Variants in LILRB5 observed in about 807,000 individuals in gnomAD.
LILRB5 encodes the protein leukocyte immunoglobulin-like receptor subfamily B member 5.
Under a neutral mutation model 68.4 loss-of-function variants are expected in LILRB5, and 61 were observed. The observed-to-expected ratio is 0.89, with a 90% CI of 0.73 to 1.10. The LOEUF is 1.10. LILRB5 is among the 50% of genes least tolerant of loss of function. The pLI is 0.00. For missense variants in LILRB5, 771 were observed against 751.6 expected, an observed-to-expected ratio of 1.03 and a Z score of -0.30; for synonymous variants, 356 against 315.8, an observed-to-expected ratio of 1.13 and a Z score of -1.35.
chr19:54,255,918 C>T, intron 4 of LILRB5, 125 bp downstream of exon 4: 2 of 828,654 alleles, frequency 2.4e-6, no homozygotes, highest in Non-Finnish European at 3.7e-6. Context: ...GGGTCTTCCT[C>T]ACGCCTTCAG....
chr19:54,255,544 A>T lies in LILRB5; in HGVS notation c.694T>A (p.Ser232Thr), dbSNP rs2079109626. The T allele has an allele frequency of 6.2e-7, 1 of 1,613,866 alleles. No homozygotes were observed. The highest frequency in any genetic ancestry group is 2.2e-5 in the East Asian group (1 of 44,860). Residue 232 changes from serine to threonine, a missense_variant, in exon 5 of 13, where the codon TCT (serine) becomes ACT (threonine). Physicochemically the swap from Ser to Thr is moderately conservative, Grantham distance 58. Coordinates refer to ENST00000449561, the MANE Select transcript of LILRB5 (RefSeq NM_001081442.3). ...RKPSLLIPQG[S>T]VVARGGSLTL... is the part of the protein sequence containing the mutation. Reference sequence around the variant, plus strand: ...AGGCTGCCTCCGCGGGCCACGACAGAGCCCTGCGGGATCAGGAGGGAGGGC... The same window carrying T: ...AGGCTGCCTCCGCGGGCCACGACAGTGCCCTGCGGGATCAGGAGGGAGGGC...
intron 3 of LILRB5, 67 bp downstream of exon 3, chr19:54,256,422 G>C: frequency 6.3e-7 from 1 of 1,595,920 alleles, no homozygotes; most frequent in Non-Finnish European, 8.5e-7. Context: ...AGAGGTAGAC[G>C]TCCCTAAGAG....
intron 1 of LILRB5, 62 bp downstream of exon 1, chr19:54,257,098 C>T: frequency 6.2e-7 from 1 of 1,613,840 alleles, no homozygotes; most frequent in Non-Finnish European, 8.5e-7. Flanking sequence ...TAGACCAGAG[C>T]CTCGCTTTAG....
rs747748769 is a variant in LILRB5 at position 54,256,123 on chromosome 19, C to T, written c.575G>A (p.Arg192Lys). 1 of 1,608,730 alleles carries T rather than the reference C, an allele frequency of 6.2e-7. No homozygotes were observed. The highest frequency in any genetic ancestry group is 8.5e-7 in the Non-Finnish European group (1 of 1,177,730). Reference sequence around the variant, plus strand: ...CCTGTAATAGTAATAGCATCTGAACCTCCACCTGCAGCTGGGGGTCACGGG... The same window carrying T: ...CCTGTAATAGTAATAGCATCTGAACTTCCACCTGCAGCTGGGGGTCACGGG... Reference protein sequence around the residue: ...VGPVTPSCRWRFRCYYYYRKN... With the variant: ...VGPVTPSCRWKFRCYYYYRKN... The change falls in exon 4 of 13, where the codon AGG (arginine) becomes AAG (lysine). Residue 192 changes from arginine to lysine, a missense_variant. Coordinates refer to ENST00000449561, the MANE Select transcript of LILRB5 (RefSeq NM_001081442.3).
rs1294071662 is a variant in LILRB5, at chr19:54,256,261, G to T, written c.437C>A (p.Thr146Lys). 6.2e-7 allele frequency: 1 copy of T among 1,613,830 alleles called. No homozygotes were observed. Among genetic ancestry groups the T allele is most frequent in the East Asian group, 2.2e-5 (1 of 44,874 alleles). Reference protein sequence around the residue: ...SGGNVTLQCDTLDGLLTFVLV... With the variant: ...SGGNVTLQCDKLDGLLTFVLV... ...AACAAACGTGAGAAGTCCGTCCAGT[G>T]TATCACACTGGAGGGTCACATTTCC... is the stretch of plus-strand genomic sequence containing the variant. The change falls in exon 4 of 13, where the codon ACA (threonine) becomes AAA (lysine). Residue 146 changes from threonine to lysine, a missense_variant. Physicochemically the swap from Thr to Lys is moderately conservative, Grantham distance 78. Coordinates refer to ENST00000449561, the MANE Select transcript of LILRB5 (RefSeq NM_001081442.3).
intron 8 of LILRB5, chr19:54,253,728 C>A: frequency 9.0e-7 from 1 of 1,107,500 alleles, no homozygotes; most frequent in Non-Finnish European, 1.3e-6. Context: ...TTGTTCTCTG[C>A]ACCTGAGCGG....
At position 54,254,642 on chromosome 19, in the gene LILRB5, C is replaced by T. The variant is rs541883631; in HGVS notation, c.1255+93G>A. On this transcript the variant is annotated intron_variant, in intron 6 of 12. Transcript: ENST00000449561. Reference sequence around the variant, plus strand: ...TGAGCCCCCCTCAAACCCTCCCCCCCGCACCGCGACTCCATCCCAGCCCAG... The same window carrying T: ...TGAGCCCCCCTCAAACCCTCCCCCCTGCACCGCGACTCCATCCCAGCCCAG... 6.7e-5 allele frequency: 101 copies of T among 1,504,164 alleles called. No individual in the cohort carries two copies. In the Admixed American group the frequency reaches 8.3e-4, roughly 12 times the overall value. The allele number at this position is 1,504,164 out of a possible 1,614,324, so 93.2% of individuals were successfully genotyped here. A position where few individuals can be genotyped will look rare whatever the true frequency, so the allele number is the denominator to read the frequency against.
At position 54,254,745 on chromosome 19, in the gene LILRB5, G is replaced by A. The variant is rs146055681; in HGVS notation, c.1245C>T (p.Leu415=). The change falls in exon 6 of 13, where the codon CTC becomes CTT. Residue 415 remains leucine, a synonymous_variant. Transcript: ENST00000449561. The part of the protein sequence containing the change: ...LLSSPSYPQE[L]VVSGPSGDPS... ...GGTCAGGGCCCTCACCTGAGACCACGAGCTCCTGGGGGTAACTAGGGCTGG... is the reference window on the plus strand; with the variant it reads ...GGTCAGGGCCCTCACCTGAGACCACAAGCTCCTGGGGGTAACTAGGGCTGG... 32 of 1,613,902 alleles carry A rather than the reference G, an allele frequency of 2.0e-5. No individual in the cohort carries two copies. The African/African-American group carries it at 2.3e-4, about 11-fold the overall frequency.
rs370853091 is a variant in LILRB5 at position 54,250,781 on chromosome 19, G to C, written c.*5C>G. ...GTTGAGTATGAGATCTGGGTCCCCC[G>C]TGGGCTAGTGGATGGCCAGGGGGGC... On this transcript the variant is annotated 3_prime_UTR_variant, in exon 13 of 13. Coordinates refer to ENST00000449561, the MANE Select transcript of LILRB5 (RefSeq NM_001081442.3). 2.5e-6 allele frequency: 4 copies of C among 1,614,032 alleles called. No homozygotes were observed. Among genetic ancestry groups the C allele is most frequent in the East Asian group, 2.2e-5 (1 of 44,856 alleles).
intron 12 of LILRB5, chr19:54,251,189 G>A (rs1308415188): frequency 1.9e-6 from 3 of 1,575,224 alleles, no homozygotes; most frequent in Admixed American, 1.7e-5. Context: ...GACAGTGGTG[G>A]GGGGTGTCCT....
chr19:54,254,446 G>A (rs367625908), intron 6 of LILRB5, 31 bp from the exon 7 acceptor site: 30 of 1,558,282 alleles, frequency 1.9e-5, no homozygotes, highest in Admixed American at 1.8e-4. Flanking sequence ...GGAGCGAGGC[G>A]CTTTGGTGCT....
rs2079178042 is a variant in LILRB5 at position 54,257,190 on chromosome 19, T to C, written c.4A>G (p.Thr2Ala). ...CAAATCAGGACTGAGAGGGTGAGGG[T>C]CATGGCGTCAGCTCCCACTGGACTC... The part of the protein sequence containing the change: M[T>A]LTLSVLICLG... The change falls in exon 1 of 13, where the codon ACC becomes GCC. Residue 2 changes from threonine (T) to alanine (A), a missense_variant. Thr to Ala is a moderately conservative substitution (Grantham distance 58). Transcript: ENST00000449561. The C allele has an allele frequency of 4.3e-6, 7 of 1,613,794 alleles. No homozygotes were observed. The East Asian group carries it at 1.6e-4, about 36-fold the overall frequency.
At chr19:54,257,122 CAA>C (rs758111511) in intron 1 of LILRB5, 36 bp downstream of exon 1, 2 of 1,614,000 alleles carry the variant, frequency 1.2e-6, no homozygotes, top group Admixed American at 1.7e-5. Flanking sequence ...GAGCTCCCTC[CAA>C]GACGGGGACC....
Position 54,252,908 on chromosome 19 carries a change from G to C in LILRB5, c.1437C>G (p.Leu479=), listed in dbSNP as rs1297000750. 1 of 1,595,380 alleles carries C rather than the reference G, an allele frequency of 6.3e-7. No individual in the cohort carries two copies. Among genetic ancestry groups the C allele is most frequent in the East Asian group, 2.3e-5 (1 of 43,032 alleles). Residue 479 remains leucine (L), a synonymous_variant, in exon 9 of 13, where the codon CTC becomes CTG. Coordinates refer to ENST00000449561, the MANE Select transcript of LILRB5 (RefSeq NM_001081442.3). ...VLLLFLLLFL[L]LRHRHQSKHR... ...GTTTGCTCTGATGCCGATGTCGGAG[G>C]AGGAGGAAGAGGAGGAGGAACAGCA...
In LILRB5 at chr19:54,256,539, G is replaced by A. The variant is rs962498309; in HGVS notation, c.305C>T (p.Thr102Ile). The A allele has an allele frequency of 2.5e-6, 4 of 1,614,144 alleles. No homozygotes were observed. The highest frequency in any genetic ancestry group is 2.2e-5 in the East Asian group (1 of 44,888). The change falls in exon 3 of 13, where the codon ACC becomes ATC. Residue 102 changes from threonine to isoleucine, a missense_variant. Coordinates refer to ENST00000449561, the MANE Select transcript of LILRB5 (RefSeq NM_001081442.3). ...SAGRYRCYYE[T>I]PAGWSEPSDP... ...ACTGGGCTCTGACCAGCCTGCAGGGGTCTCATAGTAGCAGCGGTATCGCCC... is the reference window on the plus strand; with the variant it reads ...ACTGGGCTCTGACCAGCCTGCAGGGATCTCATAGTAGCAGCGGTATCGCCC...
intron 8 of LILRB5, 24 bp from the exon 9 acceptor site, chr19:54,253,011 T>A: frequency 6.7e-7 from 1 of 1,487,736 alleles, no homozygotes; most frequent in Non-Finnish European, 9.1e-7. Flanking sequence ...ACGTTGGGAA[T>A]GGGGATGACG....
At position 54,256,593 on chromosome 19, in the gene LILRB5, T is replaced by C; in HGVS notation, c.251A>G (p.His84Arg). ...ACTGTCATACACCGTGGATGGAATG[T>C]GGAACTTGGCCTTGGCTCCAGGCTC... ...PLEPGAKAKF[H>R]IPSTVYDSAG... Residue 84 changes from histidine to arginine, a missense_variant, in exon 3 of 13, where the codon CAC (histidine) becomes CGC (arginine). His to Arg is a conservative substitution (Grantham distance 29). Transcript: ENST00000449561. The C allele has an allele frequency of 6.2e-7, 1 of 1,614,180 alleles. No individual in the cohort carries two copies. Among genetic ancestry groups the C allele is most frequent in the Non-Finnish European group, 8.5e-7 (1 of 1,179,998 alleles).
chr19:54,257,143 C>G lies in LILRB5; in HGVS notation c.34+17G>C. The stretch of plus-strand genomic sequence containing the variant: ...CCTCCAAGACGGGGACCTTCCTTCC[C>G]CCTCTTCAAACCTCACCGAGGCAAA... On this transcript the variant is annotated intron_variant, in intron 1 of 12. Transcript: ENST00000449561. 2 of 1,614,194 alleles carry G rather than the reference C, an allele frequency of 1.2e-6. No individual in the cohort carries two copies. The highest frequency in any genetic ancestry group is 2.2e-5 in the South Asian group (2 of 91,086).
rs990381922 is a variant in LILRB5, at chr19:54,254,920, T to C, written c.1070A>G (p.Lys357Arg). ...CAGCGGGGGATGGGCTGCCCCCTCC[T>C]TGGTCAAAAAGAAAGTGTCTATCTG... ...WHQIDTFFLTKEGAAHPPLCL... is the reference protein window; with the variant it reads ...WHQIDTFFLTREGAAHPPLCL... Residue 357 changes from lysine to arginine, a missense_variant, in exon 6 of 13, where the codon AAG becomes AGG. Physicochemically the swap from Lys to Arg is conservative, Grantham distance 26. Coordinates refer to ENST00000449561, the MANE Select transcript of LILRB5 (RefSeq NM_001081442.3). The C allele has an allele frequency of 6.2e-7, 1 of 1,613,896 alleles. No individual in the cohort carries two copies. Among genetic ancestry groups the C allele is most frequent in the Non-Finnish European group, 8.5e-7 (1 of 1,179,956 alleles).
Sources: allele counts gnomAD v4.1 joint callset, GRCh38; gene constraint gnomAD v4.1.1; transcripts MANE v1.5; gene names NCBI Gene and HGNC (gene_info 2026-07-23, HGNC 2026-07-21).